Variants in ATP6V0E1 observed in about 807,000 individuals in gnomAD.
ATP6V0E1 encodes ATPase H+ transporting V0 subunit e1.
ATP6V0E1 carries 4 observed loss-of-function variants against 11.6 expected under a neutral mutation model. That is an observed-to-expected ratio of 0.35 (90% CI 0.17 to 0.79). The LOEUF is 0.79. Ranked by LOEUF, ATP6V0E1 falls within the 30% of genes least tolerant of loss-of-function variation. The pLI is 0.54. For synonymous variants in ATP6V0E1, 36 were observed against 34.8 expected (o/e 1.04, Z -0.13); for missense variants, 105 against 100.0 (o/e 1.05, Z -0.21).
chr5:173,005,050 G>A (rs1169689392), intron 2 of ATP6V0E1, among the ~76,000 whole-genome samples: 1 of 151,882 alleles, frequency 6.6e-6, no homozygotes, highest in African/African-American at 2.4e-5. Flanking sequence ...GAGTATTGCA[G>A]AGTTATGTTA....
chr5:172,992,199 C>T (rs1458569737), intron 1 of ATP6V0E1, among the ~76,000 whole-genome samples: 2 of 152,126 alleles, frequency 1.3e-5, no homozygotes, highest in Admixed American at 6.6e-5. Flanking sequence ...TACAGGCGCC[C>T]GCCACCACGC....
Position 173,030,615 on chromosome 5 carries a change from A to G in ATP6V0E1, c.*37-3784A>G, listed in dbSNP as rs574616761. On this transcript the variant is annotated intron_variant, in intron 3 of 3. Coordinates refer to ENST00000519374, the MANE Select transcript of ATP6V0E1 (RefSeq NM_003945.4). ...GCCACCATACCCGGCTAATTTTTGT[A>G]TTTTTAGTAGAGACGGGGTTTCACC... Among the ~76,000 whole-genome samples the G allele has an allele frequency of 5.3e-5, 8 of 151,276 alleles. No homozygotes were observed. In the South Asian group the frequency reaches 1.5e-3, roughly 28 times the overall value.
intron 3 of ATP6V0E1, among the ~76,000 whole-genome samples, chr5:173,030,968 G>A (rs554631289): frequency 7.2e-6 from 1 of 138,006 alleles, no homozygotes; most frequent in African/African-American, 2.7e-5. Flanking sequence ...TATTTGAGAC[G>A]GAGTCTTGCT....
intron 3 of ATP6V0E1, among the ~76,000 whole-genome samples, chr5:173,022,440 T>C (rs1301616716): frequency 6.6e-6 from 1 of 152,220 alleles, no homozygotes; most frequent in African/African-American, 2.4e-5. Context: ...TTAGTTGAAA[T>C]GGCAAATGGT....
At chr5:172,992,644 C>T (rs916644860) in intron 1 of ATP6V0E1, among the ~76,000 whole-genome samples, 2 of 152,300 alleles carry the variant, frequency 1.3e-5, no homozygotes, top group Admixed American at 1.3e-4. Flanking sequence ...CTGGTAGACC[C>T]CGTCTCCCTT....
intron 3 of ATP6V0E1, among the ~76,000 whole-genome samples, chr5:173,030,784 T>C (rs1403308051): frequency 6.6e-6 from 1 of 152,002 alleles, no homozygotes; most frequent in Non-Finnish European, 1.5e-5. Context: ...AATCTCGCTC[T>C]GTCACCCAGA....
intron 2 of ATP6V0E1, among the ~76,000 whole-genome samples, chr5:173,017,076 T>A (rs752292542): frequency 6.6e-6 from 1 of 152,074 alleles, no homozygotes; most frequent in Non-Finnish European, 1.5e-5. Flanking sequence ...AGCCTTTTGA[T>A]CCTCTGATTG....
At chr5:172,994,902 C>A in intron 2 of ATP6V0E1, 80 bp downstream of exon 2, 1 of 1,115,688 alleles carries the variant, frequency 9.0e-7, no homozygotes, top group Non-Finnish European at 1.3e-6. Context: ...TGGAGCTCAT[C>A]CCTCATGTAA....
intron 1 of ATP6V0E1, chr5:172,986,695 G>C (rs1755901837): frequency 2.2e-6 from 1 of 452,338 alleles, no homozygotes; most frequent in South Asian, 1.5e-5. Context: ...CATTTTCACA[G>C]ATGGCAGGAA....
At chr5:173,006,524 G>A (rs1223660572) in intron 2 of ATP6V0E1, among the ~76,000 whole-genome samples, 1 of 152,128 alleles carries the variant, frequency 6.6e-6, no homozygotes, top group Non-Finnish European at 1.5e-5. Context: ...GCAGGAGAAT[G>A]GCGTGAACCC....
chr5:173,016,143 A>G (rs539076195), intron 2 of ATP6V0E1, among the ~76,000 whole-genome samples: 45 of 152,352 alleles, frequency 3.0e-4, no homozygotes, highest in Non-Finnish European at 5.9e-4. Context: ...AGTTGGTCAG[A>G]AGCACAGGTA....
chr5:173,012,348 G>T (rs575114991), intron 2 of ATP6V0E1, among the ~76,000 whole-genome samples: 2 of 151,758 alleles, frequency 1.3e-5, no homozygotes, highest in South Asian at 4.2e-4. Context: ...ATGTGTGCGT[G>T]TGTGTGTACA....
intron 2 of ATP6V0E1, among the ~76,000 whole-genome samples, chr5:173,004,706 A>G (rs1756204466): frequency 6.6e-6 from 1 of 152,172 alleles, no homozygotes. Context: ...TAGTTTTTAT[A>G]TTCCGTTATT....
intron 3 of ATP6V0E1, among the ~76,000 whole-genome samples, chr5:173,028,499 A>G (rs1274294835): frequency 6.6e-6 from 1 of 152,230 alleles, no homozygotes; most frequent in African/African-American, 2.4e-5. Flanking sequence ...AGTAGGTGTA[A>G]GCCAGACATG....
At chr5:172,986,932 C>T (rs1356700157) in intron 1 of ATP6V0E1, among the ~76,000 whole-genome samples, 3 of 151,280 alleles carry the variant, frequency 2.0e-5, no homozygotes, top group African/African-American at 7.3e-5. Context: ...GGGTTACAGG[C>T]GCGCACCACC....
chr5:173,030,166 G>T (rs1283886174), intron 3 of ATP6V0E1, among the ~76,000 whole-genome samples: 1 of 152,008 alleles, frequency 6.6e-6, no homozygotes, highest in African/African-American at 2.4e-5. Context: ...TTTTCTTTCT[G>T]AACATATTTA....
intron 2 of ATP6V0E1, among the ~76,000 whole-genome samples, chr5:173,005,019 C>T (rs145629694): frequency 3.3e-5 from 5 of 152,134 alleles, no homozygotes; most frequent in African/African-American, 1.2e-4. Context: ...TTTGTCTGGC[C>T]TTATGATAAT....
rs544189819 is a variant in ATP6V0E1 at position 173,019,254 on chromosome 5, T to A, written c.153-984T>A. On this transcript the variant is annotated intron_variant, in intron 2 of 3. Coordinates refer to ENST00000519374, the MANE Select transcript of ATP6V0E1 (RefSeq NM_003945.4). The stretch of plus-strand genomic sequence containing the variant: ...TGAGCCACCGCACCCAACCTGTTTT[T>A]CACTTTTAACCCTGAAGTCGGCTGG... 4.6e-5 allele frequency among the ~76,000 whole-genome samples: 7 copies of A among 152,260 alleles called. No individual in the cohort carries two copies. The South Asian group carries it at 1.5e-3, about 32-fold the overall frequency.
chr5:173,034,761 G>T lies in ATP6V0E1; in HGVS notation c.*399G>T, dbSNP rs114419174. The T allele has an allele frequency of 3.0e-3, 899 of 300,930 alleles. 7 individuals are homozygous for T. The highest frequency in any genetic ancestry group is 0.018 in the African/African-American group (843 of 47,378). 18.6% of individuals were successfully genotyped at this position (300,930 alleles called of 1,614,324 possible). A position where few individuals can be genotyped will look rare whatever the true frequency, so the allele number is the denominator to read the frequency against. ...GCTGCAAGACAAACAAGACTCCAGT[G>T]GGGTGGTCAGTAGGAGAGCACGTTC... On this transcript the variant is annotated 3_prime_UTR_variant, in exon 4 of 4. Transcript: ENST00000519374.
Sources: gnomAD v4.1 joint callset for allele counts (sites outside exome capture counted in the v4.1 genomes callset) on GRCh38, gnomAD v4.1.1 for gene constraint, MANE v1.5 for transcripts, NCBI Gene and HGNC (gene_info 2026-07-23, HGNC 2026-07-21) for gene names.